TNRC6B: variants seen among roughly 807,000 people sequenced by gnomAD.
TNRC6B encodes the protein trinucleotide repeat containing adaptor 6B.
A neutral mutation model predicts 203.6 loss-of-function variants in TNRC6B; 52 were observed. That is an observed-to-expected ratio of 0.26 (90% confidence interval 0.20 to 0.32). TNRC6B has a LOEUF of 0.32. TNRC6B is among the 10% of genes least tolerant of loss of function. The pLI is 1.00. For missense variants in TNRC6B, 1,923 were observed against 2,286.2 expected (o/e 0.84, Z 3.24); for synonymous variants, 838 against 845.7 (o/e 0.99, Z 0.16).
chr22:40,191,612 C>T (rs1354807076), intron 1 of TNRC6B, among the ~76,000 whole-genome samples: 1 of 152,196 alleles, frequency 6.6e-6, no homozygotes, highest in Admixed American at 6.5e-5. Flanking sequence ...GACAGGTTCT[C>T]ACTCTGTCAT....
At chr22:40,087,563 A>C (rs2068111490) in intron 1 of TNRC6B, among the ~76,000 whole-genome samples, 1 of 152,220 alleles carries the variant, frequency 6.6e-6, no homozygotes, top group South Asian at 2.1e-4. Context: ...GGGAGCTGTA[A>C]GAGTGATTAA....
chr22:40,135,331 A>G (rs939267059), intron 3 of TNRC6B, among the ~76,000 whole-genome samples: 2 of 152,230 alleles, frequency 1.3e-5, no homozygotes, highest in Non-Finnish European at 2.9e-5. Flanking sequence ...ATATGAGATC[A>G]TCTTTCATCC....
In TNRC6B at chr22:40,334,447, C is replaced by T. The variant is rs1410277279; in HGVS notation, c.*11206C>T. The T allele has an allele frequency of 6.6e-6, 1 of 152,568 alleles. No homozygotes were observed. The highest frequency in any genetic ancestry group is 1.5e-5 in the Non-Finnish European group (1 of 68,044). 9.5% of individuals were successfully genotyped at this position (152,568 alleles called of 1,614,324 possible). On this transcript the variant is annotated 3_prime_UTR_variant, in exon 23 of 23. Transcript: ENST00000454349. ...ATACAACAGCTCAACTGTTCCCACT[C>T]CTAACTCTCCACTATGTGCTTATAA...
intron 1 of TNRC6B, among the ~76,000 whole-genome samples, chr22:40,215,610 G>A (rs1242780698): frequency 1.3e-5 from 2 of 152,186 alleles, no homozygotes; most frequent in African/African-American, 4.8e-5. Flanking sequence ...CCTCAGGGGT[G>A]TTGACACTGG....
At chr22:40,322,058 G>A (rs1167170412) in intron 22 of TNRC6B, among the ~76,000 whole-genome samples, 3 of 152,204 alleles carry the variant, frequency 2.0e-5, no homozygotes, top group Non-Finnish European at 4.4e-5. Flanking sequence ...GGGGGCTCAG[G>A]CAGCGAGGAG....
At chr22:40,141,204 C>CTTTTTT (rs757105010) in intron 3 of TNRC6B, among the ~76,000 whole-genome samples, 140 of 75,660 alleles carry the variant, frequency 1.9e-3, no homozygotes, top group Non-Finnish European at 2.6e-3. Flanking sequence ...AAATTCTGTC[C>CTTTTTT]TTTTTTTTTT....
chr22:40,153,561 CAAAAA>C (rs1181693313), intron 3 of TNRC6B, among the ~76,000 whole-genome samples: 1 of 136,406 alleles, frequency 7.3e-6, no homozygotes, highest in Non-Finnish European at 1.6e-5. Context: ...AAAAAAAAAA[CAAAAA>C]GAATAAGAAG....
chr22:40,059,737 A>T (rs781563987), intron 1 of TNRC6B, among the ~76,000 whole-genome samples: 34 of 151,504 alleles, frequency 2.2e-4, no homozygotes, highest in Non-Finnish European at 4.7e-4. Context: ...TTAACATGGT[A>T]AATTATTTTG....
intron 3 of TNRC6B, among the ~76,000 whole-genome samples, chr22:40,154,004 G>T (rs956848653): frequency 6.6e-6 from 1 of 150,756 alleles, no homozygotes; most frequent in Non-Finnish European, 1.5e-5. Flanking sequence ...TTAGGGTCTC[G>T]CTGTGTTGCC....
intron 1 of TNRC6B, among the ~76,000 whole-genome samples, chr22:40,192,008 C>T (rs558209667): frequency 1.3e-5 from 2 of 152,346 alleles, no homozygotes; most frequent in Admixed American, 6.5e-5. Flanking sequence ...GCCTTACAGA[C>T]GTGAGCCACC....
intron 1 of TNRC6B, among the ~76,000 whole-genome samples, chr22:40,214,464 T>TA (rs748982457): frequency 4.2e-4 from 64 of 152,242 alleles, no homozygotes; most frequent in Non-Finnish European, 9.0e-4. Context: ...ATATTATAGT[T>TA]ATGTAAGATA....
At position 40,239,843 on chromosome 22, in the gene TNRC6B, CT is replaced by C. The variant is rs547042518; in HGVS notation, c.6-6169del. ...TTGGGTATTTTCTTTTTTTGTTTTT[CT>C]TTCTTTTTTTTGAGACCGAGTCTCG... On this transcript the variant is annotated intron_variant, in intron 1 of 22. Coordinates refer to ENST00000454349, the MANE Select transcript of TNRC6B (RefSeq NM_001162501.2). Among the ~76,000 whole-genome samples the C allele has an allele frequency of 4.3e-4, 65 of 151,840 alleles. 2 individuals carry two copies. In the South Asian group the frequency reaches 0.013, roughly 31 times the overall value.
At chr22:40,307,852 C>G (rs886504156) in intron 15 of TNRC6B, among the ~76,000 whole-genome samples, 2 of 152,182 alleles carry the variant, frequency 1.3e-5, no homozygotes, top group African/African-American at 2.4e-5. Context: ...TTAAAATGTT[C>G]ACTATCTTCT....
At chr22:40,142,026 C>T (rs1049672635) in intron 3 of TNRC6B, among the ~76,000 whole-genome samples, 7 of 151,826 alleles carry the variant, frequency 4.6e-5, no homozygotes. Context: ...TCCCAAAGTG[C>T]TGGGATTACA....
At chr22:40,233,205 C>T (rs2069900512) in intron 1 of TNRC6B, among the ~76,000 whole-genome samples, 1 of 152,000 alleles carries the variant, frequency 6.6e-6, no homozygotes, top group Non-Finnish European at 1.5e-5. Flanking sequence ...TTCCTGTAGT[C>T]CCAGTTACTT....
intron 2 of TNRC6B, among the ~76,000 whole-genome samples, chr22:40,250,878 A>C (rs2070181721): frequency 6.7e-6 from 1 of 150,194 alleles, no homozygotes; most frequent in Non-Finnish European, 1.5e-5. Context: ...TAGTCATAGC[A>C]TTCAAAATGC....
In TNRC6B at chr22:40,131,790, GA is replaced by G. The variant is rs374485277; in HGVS notation, c.45+5929del. 3.5e-3 allele frequency among the ~76,000 whole-genome samples: 531 copies of G among 152,314 alleles called. 5 individuals carry two copies. Among genetic ancestry groups the G allele is most frequent in the Non-Finnish European group, 5.4e-3 (370 of 68,024 alleles). ...TATGACCTAACAAATTTCTCAAAGA[GA>G]GTTCTGCTATTGTTGTGAAAGCTTC... On this transcript the variant is annotated intron_variant, in intron 3 of 23. Coordinates refer to the TNRC6B transcript ENST00000301923.
At chr22:40,124,902 A>G (rs2068475984) in intron 2 of TNRC6B, among the ~76,000 whole-genome samples, 1 of 151,912 alleles carries the variant, frequency 6.6e-6, no homozygotes, top group Non-Finnish European at 1.5e-5. Context: ...AGTCCCAGCT[A>G]CTTGGGAGAC....
intron 1 of TNRC6B, among the ~76,000 whole-genome samples, chr22:40,062,229 C>T (rs2067859504): frequency 6.6e-6 from 1 of 152,026 alleles, no homozygotes; most frequent in Non-Finnish European, 1.5e-5. Context: ...GAGATAGAGT[C>T]TCACTCTGTT....
Sources: allele counts gnomAD v4.1 joint callset (sites outside exome capture counted in the v4.1 genomes callset), GRCh38; gene constraint gnomAD v4.1.1; transcripts MANE v1.5; gene names NCBI Gene and HGNC (gene_info 2026-07-23, HGNC 2026-07-21).